The following CNTN5 variants were observed in gnomAD, a reference collection of about 807,000 sequenced individuals.
The protein encoded by CNTN5 is contactin 5.
In CNTN5, 77 loss-of-function variants were observed where a neutral mutation model predicts 129.1. The ratio of observed to expected loss-of-function variants is 0.60; its 90% CI spans 0.50 to 0.72. The LOEUF is 0.72. Ranked by LOEUF, CNTN5 falls within the 30% of genes least tolerant of loss-of-function variation. The pLI is 0.00. For missense variants in CNTN5, 1,478 were observed against 1,328.8 expected (o/e 1.11, Z -1.75); for synonymous variants, 509 against 465.6 (o/e 1.09, Z -1.20).
At chr11:100,324,088 C>T (rs543825568) in intron 21 of CNTN5, among the ~76,000 whole-genome samples, 6 of 152,066 alleles carry the variant, frequency 3.9e-5, no homozygotes, top group African/African-American at 7.2e-5. Context: ...CTTAGGAAAA[C>T]GAATATAGAT....
intron 6 of CNTN5, among the ~76,000 whole-genome samples, chr11:99,912,187 G>A (rs756089872): frequency 1.3e-5 from 2 of 151,820 alleles, no homozygotes; most frequent in Non-Finnish European, 2.9e-5. Flanking sequence ...GGAGGGAAAG[G>A]GAAGAAAAAA....
chr11:99,093,126 T>C (rs1591178638), intron 1 of CNTN5, among the ~76,000 whole-genome samples: 1 of 152,230 alleles, frequency 6.6e-6, no homozygotes, highest in East Asian at 1.9e-4. Flanking sequence ...AGAAATTTTA[T>C]TAATTGACTT....
intron 3 of CNTN5, among the ~76,000 whole-genome samples, chr11:99,689,393 G>C (rs551649367): frequency 1.3e-5 from 2 of 151,908 alleles, no homozygotes; most frequent in African/African-American, 2.4e-5. Flanking sequence ...TGGGCGTGGT[G>C]GTGGGCGCCT....
intron 2 of CNTN5, among the ~76,000 whole-genome samples, chr11:99,538,227 T>G (rs939803832): frequency 3.3e-5 from 5 of 152,202 alleles, no homozygotes; most frequent in Admixed American, 6.5e-5. Flanking sequence ...ATTTATGTCC[T>G]GATCTCTCTG....
chr11:100,036,936 T>A (rs2137649082), intron 9 of CNTN5, among the ~76,000 whole-genome samples: 1 of 149,784 alleles, frequency 6.7e-6, no homozygotes, highest in Non-Finnish European at 1.5e-5. Flanking sequence ...TGACTTCCTC[T>A]TTTCCTAATT....
chr11:99,124,925 A>G (rs936365971), intron 1 of CNTN5, among the ~76,000 whole-genome samples: 1 of 152,042 alleles, frequency 6.6e-6, no homozygotes, highest in Non-Finnish European at 1.5e-5. Context: ...AAAGCAATCG[A>G]ATGTCTTAAC....
At chr11:99,809,595 T>A (rs1187715372) in intron 3 of CNTN5, among the ~76,000 whole-genome samples, 1 of 152,108 alleles carries the variant, frequency 6.6e-6, no homozygotes, top group Admixed American at 6.6e-5. Flanking sequence ...ATTGAATGAG[T>A]ACACCCACCT....
At chr11:99,407,484 G>T (rs917283062) in intron 2 of CNTN5, among the ~76,000 whole-genome samples, 1 of 152,154 alleles carries the variant, frequency 6.6e-6, no homozygotes, top group Non-Finnish European at 1.5e-5. Flanking sequence ...GAAGGAAGGG[G>T]TCTCTTTCGG....
intron 7 of CNTN5, among the ~76,000 whole-genome samples, chr11:99,938,246 T>A (rs2136102137): frequency 6.6e-6 from 1 of 152,272 alleles, no homozygotes; most frequent in East Asian, 1.9e-4. Context: ...GGATTCTAGT[T>A]ATAAACCATA....
chr11:100,322,212 CTGTAGGTAA>C (rs1951709501), intron 21 of CNTN5, among the ~76,000 whole-genome samples: 1 of 151,338 alleles, frequency 6.6e-6, no homozygotes, highest in African/African-American at 2.4e-5. Flanking sequence ...TTACATGCAA[CTGTAGGTAA>C]TGCCGTCTTT....
intron 1 of CNTN5, among the ~76,000 whole-genome samples, chr11:99,313,093 G>T (rs763176782): frequency 2.0e-5 from 3 of 151,164 alleles, no homozygotes; most frequent in Non-Finnish European, 4.4e-5. Context: ...GACATCTCAC[G>T]CAATCCAAGA....
chr11:99,643,715 T>C (rs190530764), intron 3 of CNTN5, among the ~76,000 whole-genome samples: 60 of 152,278 alleles, frequency 3.9e-4, no homozygotes, highest in African/African-American at 1.4e-3. Flanking sequence ...TTTCTGACTG[T>C]GAGCCACACA....
intron 1 of CNTN5, among the ~76,000 whole-genome samples, chr11:99,099,884 A>C (rs958034004): frequency 6.6e-6 from 1 of 152,186 alleles, no homozygotes; most frequent in Admixed American, 6.6e-5. Context: ...GTGGGTTGGC[A>C]TGTTATGTTA....
chr11:100,182,564 A>G (rs1401214909), intron 13 of CNTN5, among the ~76,000 whole-genome samples: 1 of 152,110 alleles, frequency 6.6e-6, no homozygotes, highest in African/African-American at 2.4e-5. Flanking sequence ...TCATCATTTC[A>G]AAATCAAAGT....
chr11:100,336,212 A>G (rs1240665375), intron 21 of CNTN5, among the ~76,000 whole-genome samples: 1 of 152,206 alleles, frequency 6.6e-6, no homozygotes, highest in East Asian at 1.9e-4. Flanking sequence ...TCTGGGGTCT[A>G]TTCTGGGAAA....
intron 3 of CNTN5, among the ~76,000 whole-genome samples, chr11:99,622,706 G>A (rs1207286800): frequency 1.3e-5 from 2 of 152,018 alleles, no homozygotes; most frequent in Non-Finnish European, 2.9e-5. Flanking sequence ...TTAAATTTGG[G>A]AACAGGTGTT....
chr11:99,185,110 G>GA (rs1371272841), intron 1 of CNTN5, among the ~76,000 whole-genome samples: 1 of 151,098 alleles, frequency 6.6e-6, no homozygotes, highest in African/African-American at 2.4e-5. Flanking sequence ...GGAGAACACA[G>GA]AAAAAAAGCC....
intron 6 of CNTN5, among the ~76,000 whole-genome samples, chr11:99,914,993 A>G (rs909263002): frequency 1.3e-5 from 2 of 152,094 alleles, no homozygotes; most frequent in African/African-American, 4.8e-5. Flanking sequence ...TCTACCTTGT[A>G]TTGCTACAAA....
chr11:99,967,187 C>A (rs1300313549), intron 8 of CNTN5, among the ~76,000 whole-genome samples: 2 of 152,130 alleles, frequency 1.3e-5, no homozygotes, highest in African/African-American at 4.8e-5. Flanking sequence ...AACTAAAATG[C>A]AAGGCTATAC....
Sources: gnomAD v4.1 joint callset for allele counts (sites outside exome capture counted in the v4.1 genomes callset) on GRCh38, gnomAD v4.1.1 for gene constraint, MANE v1.5 for transcripts, NCBI Gene and HGNC (gene_info 2026-07-23, HGNC 2026-07-21) for gene names.